The following TASOR2 variants were observed in gnomAD, a reference collection of about 807,000 sequenced individuals.
TASOR2 encodes the protein transcription activation suppressor family member 2.
TASOR2 carries 84 observed loss-of-function variants against 199.5 expected under a neutral mutation model. The observed-to-expected ratio is 0.42, with a 90% CI of 0.35 to 0.50. The LOEUF (loss-of-function observed/expected upper bound fraction) is 0.50, where lower values mean the gene tolerates loss of function less well. TASOR2 is among the 20% of genes least tolerant of loss of function. The pLI is 0.02. For missense variants in TASOR2, 2,796 were observed against 2,835.9 expected (o/e 0.99, Z 0.32); for synonymous variants, 1,103 against 1,046.6 (o/e 1.05, Z -1.04).
chr10:5,715,858 G>T (rs1394888764), intron 2 of TASOR2, among the ~76,000 whole-genome samples: 1 of 152,136 alleles, frequency 6.6e-6, no homozygotes, highest in African/African-American at 2.4e-5. Flanking sequence ...GGCCAGGATG[G>T]TCTCGATCTC....
exon 15 of TASOR2, chr10:5,749,470 G>A (rs373478735): frequency 3.7e-6 from 6 of 1,614,134 alleles, no homozygotes; most frequent in Non-Finnish European, 5.1e-6. Context: ...CTCCATTGGT[G>A]CTTTCCCTTC....
At chr10:5,712,630 A>G (rs1293856763) in intron 1 of TASOR2, 193 bp from the exon 2 acceptor site, 1 of 1,122,734 alleles carries the variant, frequency 8.9e-7, no homozygotes, top group Non-Finnish European at 1.1e-6. Context: ...AGCACTTTTT[A>G]GCTATAATTT....
Position 5,754,294 on chromosome 10 carries a change from G to A in TASOR2, c.6607-2319G>A, listed in dbSNP as rs536037727. Among the ~76,000 whole-genome samples the A allele has an allele frequency of 6.6e-6, 1 of 152,298 alleles. No homozygotes were observed. On this transcript the variant is annotated intron_variant, in intron 15 of 20. Coordinates refer to ENST00000328090, the Ensembl canonical transcript of TASOR2. This position sits in a 1 kb window ranked among gnomAD's most constrained non-coding sequence, Gnocchi z 4.3. ...CAGAGTGAGACTCCACAACAGAGCA[G>A]TAATCTTAGTTCTCACTTCCTTTCC... is the stretch of plus-strand genomic sequence containing the variant.
exon 15 of TASOR2, chr10:5,749,828 A>G (rs1231137760): frequency 6.2e-7 from 1 of 1,614,196 alleles, no homozygotes; most frequent in Admixed American, 1.7e-5. Flanking sequence ...AAAGAGCTAA[A>G]TGATGTTTCT....
At chr10:5,758,237 C>G (rs1350219104) in intron 17 of TASOR2, among the ~76,000 whole-genome samples, 1 of 152,162 alleles carries the variant, frequency 6.6e-6, no homozygotes, top group Non-Finnish European at 1.5e-5. Flanking sequence ...ACCAGTGTGA[C>G]TTCTACACAG....
In TASOR2 at chr10:5,701,157, T is replaced by A. The variant is rs972587463; in HGVS notation, c.-287-11666T>A. Among the ~76,000 whole-genome samples, 1 of 152,146 alleles carries A rather than the reference T, an allele frequency of 6.6e-6. No individual in the cohort carries two copies. Among genetic ancestry groups the A allele is most frequent in the African/African-American group, 2.4e-5 (1 of 41,430 alleles). On this transcript the variant is annotated intron_variant, in intron 1 of 20. Coordinates refer to ENST00000328090, the Ensembl canonical transcript of TASOR2. This position sits in a 1 kb window ranked among gnomAD's most constrained non-coding sequence, Gnocchi z 4.9. ...ATGTAAGTCTTAAATCCATTTTGAT[T>A]TGAATTTTGTATATGGTCAGATTGT...
chr10:5,693,971 C>G (rs1235826967), intron 1 of TASOR2, among the ~76,000 whole-genome samples: 1 of 151,954 alleles, frequency 6.6e-6, no homozygotes, highest in South Asian at 2.1e-4. Flanking sequence ...TATAATAATT[C>G]CATGTTCTAA....
At chr10:5,760,660 A>G (rs1839676716) in intron 18 of TASOR2, among the ~76,000 whole-genome samples, 1 of 152,248 alleles carries the variant, frequency 6.6e-6, no homozygotes, top group African/African-American at 2.4e-5. Context: ...GTTCAGTATG[A>G]TGTCATAAAA....
At chr10:5,739,226 AG>A (rs1836030588) in intron 12 of TASOR2, among the ~76,000 whole-genome samples, 4 of 152,226 alleles carry the variant, frequency 2.6e-5, no homozygotes, top group Admixed American at 2.6e-4. Flanking sequence ...TCCCAAGGGC[AG>A]GACTCTCATC....
Position 5,720,995 on chromosome 10 carries a change from T to C in TASOR2, c.146+25T>C. On this transcript the variant is annotated intron_variant, in intron 6 of 20. Transcript: ENST00000328090. This position sits in a 1 kb window ranked among gnomAD's most constrained non-coding sequence, Gnocchi z 5.3. ...TGTAAGTATTAAATGTTATGTCCTT[T>C]ACTAATGCTTATATTACAAGTTTTG... The C allele has an allele frequency of 6.4e-7, 1 of 1,550,832 alleles. No individual in the cohort carries two copies. Among genetic ancestry groups the C allele is most frequent in the East Asian group, 2.2e-5 (1 of 44,464 alleles).
chr10:5,728,702 T>C (rs867874706), intron 10 of TASOR2, among the ~76,000 whole-genome samples: 67 of 152,290 alleles, frequency 4.4e-4, no homozygotes, highest in African/African-American at 1.6e-3. Flanking sequence ...AAGCAAAACA[T>C]TACCCATGAT....
In TASOR2 at chr10:5,740,916, A is replaced by G. The variant is rs1836325914; in HGVS notation, c.2327+419A>G. On this transcript the variant is annotated intron_variant, in intron 13 of 20. Coordinates refer to ENST00000328090, the Ensembl canonical transcript of TASOR2. This position sits in a 1 kb window ranked among gnomAD's most constrained non-coding sequence, Gnocchi z 5.3. The stretch of plus-strand genomic sequence containing the variant: ...ATTGGTCAGATTGATAGGAGTAAGC[A>G]GTTTCACATAAGATTGTTCTATAGA... Among the ~76,000 whole-genome samples the G allele has an allele frequency of 6.6e-6, 1 of 152,342 alleles. No individual in the cohort carries two copies. Among genetic ancestry groups the G allele is most frequent in the African/African-American group, 2.4e-5 (1 of 41,580 alleles).
rs370765049 is a variant in TASOR2 at position 5,745,027 on chromosome 10, C to T, written c.2758-1152C>T. On this transcript the variant is annotated intron_variant, in intron 14 of 20. Coordinates refer to ENST00000328090, the Ensembl canonical transcript of TASOR2. Reference sequence around the variant, plus strand: ...GCACGCAGTTTGTGAGCATGGTGTTCCCAGCATTGCAGAGGGGTGTGATCA... The same window carrying T: ...GCACGCAGTTTGTGAGCATGGTGTTTCCAGCATTGCAGAGGGGTGTGATCA... Among the ~76,000 whole-genome samples the T allele has an allele frequency of 1.5e-4, 23 of 152,292 alleles. No homozygotes were observed. In the East Asian group the frequency reaches 2.5e-3, roughly 17 times the overall value.
intron 1 of TASOR2, among the ~76,000 whole-genome samples, chr10:5,693,164 A>G (rs895435271): frequency 3.9e-5 from 6 of 152,180 alleles, no homozygotes; most frequent in African/African-American, 9.7e-5. Flanking sequence ...ACACTTTTGT[A>G]TGGTACCCGA....
intron 1 of TASOR2, among the ~76,000 whole-genome samples, chr10:5,703,503 A>ATT (rs371366460): frequency 0.014 from 1,514 of 110,202 alleles, 112 homozygotes; most frequent in Admixed American, 0.042. Flanking sequence ...GGTTTTTCTG[A>ATT]TTTTTTTTTT....
Position 5,720,922 on chromosome 10 carries a change from G to A in TASOR2, c.98G>A (p.Cys33Tyr). 1 of 1,613,526 alleles carries A rather than the reference G, an allele frequency of 6.2e-7. No homozygotes were observed. ...TTAATTGTTCAAGACCGTATGCTATGTGATATAGCTCTTTGGTCCACTTAC... is the reference window on the plus strand; with the variant it reads ...TTAATTGTTCAAGACCGTATGCTATATGATATAGCTCTTTGGTCCACTTAC... Residue 33 changes from cysteine (C) to tyrosine (Y), a missense_variant, in exon 6 of 21, where the codon TGT (cysteine) becomes TAT (tyrosine). Physicochemically the swap from Cys to Tyr is radical, Grantham distance 194. This residue lies in a region of TASOR2 where 847 missense variants were observed against 887.4 expected (regional missense o/e 0.95). Transcript: ENST00000328090. The surrounding 1 kb of genome is among the most constrained non-coding windows in gnomAD (Gnocchi z 5.3).
exon 11 of TASOR2, chr10:5,731,159 C>T (rs939235263): frequency 3.7e-6 from 6 of 1,608,904 alleles, no homozygotes; most frequent in Non-Finnish European, 5.1e-6. Context: ...TCTCCAACAA[C>T]TCTTAAGTTA....
chr10:5,762,839 T>A, intron 20 of TASOR2, 190 bp from the exon 22 acceptor site: 1 of 636,140 alleles, frequency 1.6e-6, no homozygotes, highest in Non-Finnish European at 2.7e-6. Flanking sequence ...CTAAATGAAG[T>A]AACCATCTAC....
chr10:5,740,121 T>C lies in TASOR2; in HGVS notation c.1951T>C (p.Ser651Pro). The C allele has an allele frequency of 6.2e-7, 1 of 1,614,162 alleles. No individual in the cohort carries two copies. The highest frequency in any genetic ancestry group is 2.2e-5 in the East Asian group (1 of 44,882). The change falls in exon 13 of 21, where the codon TCT becomes CCT. Residue 651 changes from serine (S) to proline (P), a missense_variant. Physicochemically the swap from Ser to Pro is moderately conservative, Grantham distance 74. Around this residue, in one of 3 missense-constraint regions of TASOR2, gnomAD observed 847 missense variants for 887.4 expected, o/e 0.95. Transcript: ENST00000328090. The surrounding 1 kb of genome is among the most constrained non-coding windows in gnomAD (Gnocchi z 5.3). The stretch of plus-strand genomic sequence containing the variant: ...AGATGCAAGCCAAAGCTCTTCTGTT[T>C]CTGTGGAACATTCATATGCCCTGCT...
Sources: allele counts gnomAD v4.1 joint callset (sites outside exome capture counted in the v4.1 genomes callset), GRCh38; gene constraint gnomAD v4.1.1; regional missense constraint gnomAD v4.1.1; non-coding constraint Gnocchi (gnomAD v3.1); transcripts MANE v1.5; gene names NCBI Gene and HGNC (gene_info 2026-07-23, HGNC 2026-07-21).